Variants in NAA11 observed in about 807,000 individuals in gnomAD.
The protein encoded by NAA11 is N-alpha-acetyltransferase 11.
A neutral mutation model predicts 16.1 loss-of-function variants in NAA11; 15 were observed. The observed-to-expected ratio is 0.93, with a 90% confidence interval of 0.62 to 1.44. The LOEUF is 1.44. NAA11 is among the 40% of genes most tolerant of loss of function. The pLI is 0.00. For synonymous variants in NAA11, 122 were observed against 112.4 expected (o/e 1.09, Z -0.54); for missense variants, 298 against 291.3 (o/e 1.02, Z -0.17).
chr4:79,165,956 CTTTCT>C, the NAA11 span, among the ~76,000 whole-genome samples: 4 of 151,410 alleles, frequency 2.6e-5, no homozygotes, highest in African/African-American at 9.7e-5. Context: ...AGAAGGATGA[CTTTCT>C]TTTCTTTTAT....
At chr4:79,258,770 G>A (rs2109972726) in intron 2 of NAA11, 1 of 152,660 alleles carries the variant, frequency 6.6e-6, no homozygotes, top group Admixed American at 6.5e-5. Flanking sequence ...GGAACTTGTG[G>A]TTCCTTTTCC....
intron 1 of NAA11, among the ~76,000 whole-genome samples, chr4:79,310,437 G>A (rs1402089640): frequency 6.6e-6 from 1 of 152,078 alleles, no homozygotes; most frequent in African/African-American, 2.4e-5. Context: ...TTGTGGATGT[G>A]GAAATTAAGA....
intron 1 of NAA11, among the ~76,000 whole-genome samples, chr4:79,319,710 T>G (rs1006199872): frequency 2.6e-5 from 4 of 152,174 alleles, no homozygotes; most frequent in African/African-American, 9.6e-5. Flanking sequence ...TTCAAAACAA[T>G]ATTTTATCTC....
chr4:79,170,976 A>AT, the NAA11 span, among the ~76,000 whole-genome samples: 1 of 152,132 alleles, frequency 6.6e-6, no homozygotes, highest in South Asian at 2.1e-4. Context: ...GCTATGAAAG[A>AT]TTCTTTTAGA....
intron 1 of NAA11, among the ~76,000 whole-genome samples, chr4:79,307,752 A>C (rs1350337129): frequency 6.6e-6 from 1 of 152,212 alleles, no homozygotes; most frequent in Non-Finnish European, 1.5e-5. Context: ...ATATCCTTTG[A>C]TAAGAACAAT....
intron 2 of NAA11, among the ~76,000 whole-genome samples, chr4:79,279,201 A>G (rs963673190): frequency 6.6e-6 from 1 of 152,130 alleles, no homozygotes; most frequent in Non-Finnish European, 1.5e-5. Context: ...TATTATAGTA[A>G]TGTATATCAT....
chr4:79,218,086 C>A, the NAA11 span, among the ~76,000 whole-genome samples: 2 of 152,048 alleles, frequency 1.3e-5, no homozygotes, highest in Non-Finnish European at 2.9e-5. Flanking sequence ...GTAATATATA[C>A]TCTCCTCATT....
chr4:79,167,222 C>A, the NAA11 span, among the ~76,000 whole-genome samples: 1 of 110,336 alleles, frequency 9.1e-6, no homozygotes, highest in Non-Finnish European at 1.8e-5. Flanking sequence ...CATATATACA[C>A]ATATATGTAT....
chr4:79,249,690 C>T (rs919056632), intron 2 of NAA11, among the ~76,000 whole-genome samples: 8 of 152,226 alleles, frequency 5.3e-5, no homozygotes, highest in Admixed American at 1.3e-4. Flanking sequence ...AAACATATTT[C>T]AGGATATCGC....
the NAA11 span, among the ~76,000 whole-genome samples, chr4:79,194,711 G>A: frequency 8.5e-5 from 13 of 152,202 alleles, 1 homozygote; most frequent in South Asian, 2.7e-3. Context: ...TCACATACCT[G>A]TCAATCCAGG....
chr4:79,306,860 A>G (rs989447703), intron 1 of NAA11: 2 of 152,204 alleles, frequency 1.3e-5, no homozygotes, highest in African/African-American at 4.8e-5. Flanking sequence ...TGAACACAGC[A>G]TATTTTGTTA....
chr4:79,186,247 T>G, the NAA11 span, among the ~76,000 whole-genome samples: 3 of 152,324 alleles, frequency 2.0e-5, no homozygotes, highest in Middle Eastern at 3.4e-3. Flanking sequence ...AAATACCTGT[T>G]GAATTTGGCT....
rs1724250886 is a variant in NAA11 at position 79,325,637 on chromosome 4, G to A, written c.241C>T (p.His81Tyr). 1.2e-6 allele frequency: 2 copies of A among 1,614,114 alleles called. No homozygotes were observed. Among genetic ancestry groups the A allele is most frequent in the Middle Eastern group, 1.6e-4 (1 of 6,062 alleles). Residue 81 changes from histidine to tyrosine, a missense_variant, in exon 1 of 2, where the codon CAC (histidine) becomes TAC (tyrosine). Physicochemically the swap from His to Tyr is moderately conservative, Grantham distance 83. Transcript: ENST00000286794. ...TTCTGGGCCAGGCCGAGGCGCCGGT[G>A]TGAACGCTTCACGGCCAGTGAGGTG... Reference protein sequence around the residue: ...HITSLAVKRSHRRLGLAQKLM... With the variant: ...HITSLAVKRSYRRLGLAQKLM...
the NAA11 span, among the ~76,000 whole-genome samples, chr4:79,212,911 G>A: frequency 1.2e-4 from 18 of 151,984 alleles, no homozygotes; most frequent in Non-Finnish European, 2.4e-4. Context: ...TATTATAATT[G>A]TATAGTGTCA....
intron 2 of NAA11, among the ~76,000 whole-genome samples, chr4:79,276,009 AT>A (rs1025624487): frequency 2.0e-4 from 30 of 152,086 alleles, no homozygotes; most frequent in African/African-American, 6.5e-4. Context: ...GGACAAGATT[AT>A]TTTAATGGTT....
intron 1 of NAA11, among the ~76,000 whole-genome samples, chr4:79,320,110 G>C (rs1724049091): frequency 6.6e-6 from 1 of 152,170 alleles, no homozygotes; most frequent in East Asian, 1.9e-4. Context: ...ATAAGCAGCA[G>C]TTTGATGACA....
At chr4:79,292,122 G>A (rs752766959) in intron 2 of NAA11, among the ~76,000 whole-genome samples, 8 of 152,296 alleles carry the variant, frequency 5.3e-5, no homozygotes, top group Non-Finnish European at 1.0e-4. Flanking sequence ...AACAGTTGAT[G>A]TTGTCAACCC....
In NAA11 at chr4:79,263,398, AG is replaced by A. The variant is rs201555486; in HGVS notation, c.*122+30606del. ...GCATGCTCAAGAAAGTGAAAGTTTGAGCTCTGGGAGTTCCTGAACAGCAGGC... is the reference window on the plus strand; with the variant it reads ...GCATGCTCAAGAAAGTGAAAGTTTGACTCTGGGAGTTCCTGAACAGCAGGC... On this transcript the variant is annotated intron_variant and NMD_transcript_variant, in intron 2 of 2. Coordinates refer to the NAA11 transcript ENST00000511542. Among the ~76,000 whole-genome samples, 476 of 152,322 alleles carry A rather than the reference AG, an allele frequency of 3.1e-3. 2 individuals are homozygous for A. The highest frequency in any genetic ancestry group is 0.01 in the African/African-American group (430 of 41,584).
chr4:79,216,484 CA>C, the NAA11 span, among the ~76,000 whole-genome samples: 2 of 152,122 alleles, frequency 1.3e-5, no homozygotes, highest in East Asian at 3.9e-4. Flanking sequence ...TATCAATTAG[CA>C]AAACTCTCTT....
Sources: gnomAD v4.1 joint callset for allele counts (sites outside exome capture counted in the v4.1 genomes callset) on GRCh38, gnomAD v4.1.1 for gene constraint, MANE v1.5 for transcripts, NCBI Gene and HGNC (gene_info 2026-07-23, HGNC 2026-07-21) for gene names.